TEX36: variants seen among roughly 807,000 people sequenced by gnomAD.
TEX36 encodes the protein testis-expressed protein 36.
TEX36 carries 12 observed loss-of-function variants against 13.6 expected under a neutral mutation model. The observed-to-expected ratio is 0.88, with a 90% CI of 0.56 to 1.43. The LOEUF is 1.43. TEX36 is among the 40% of genes most tolerant of loss of function. TEX36 has a pLI of 0.00. For missense variants in TEX36, 224 were observed against 228.3 expected (o/e 0.98, Z 0.12); for synonymous variants, 93 against 83.0 (o/e 1.12, Z -0.65).
downstream of TEX36, among the ~76,000 whole-genome samples, chr10:125,618,496 C>G (rs910239935): frequency 3.9e-5 from 6 of 152,104 alleles, no homozygotes; most frequent in African/African-American, 1.4e-4. Flanking sequence ...TGTTAGTTTT[C>G]CTTCTAACAG....
intron 3 of TEX36, among the ~76,000 whole-genome samples, chr10:125,633,525 C>T (rs983262223): frequency 6.6e-6 from 1 of 152,302 alleles, no homozygotes; most frequent in African/African-American, 2.4e-5. Flanking sequence ...AGAGGGAAAA[C>T]GATTTCCCCA....
chr10:125,588,446 GC>G (rs1415630831), intron 3 of TEX36, among the ~76,000 whole-genome samples: 1 of 152,152 alleles, frequency 6.6e-6, no homozygotes, highest in African/African-American at 2.4e-5. Context: ...AGTTCTGCAG[GC>G]TCTACAGGAA....
intron 3 of TEX36, among the ~76,000 whole-genome samples, chr10:125,632,500 G>A (rs1156485800): frequency 1.3e-5 from 2 of 152,164 alleles, no homozygotes; most frequent in African/African-American, 4.8e-5. Context: ...TAAGGGACTG[G>A]CCCACAAAAT....
intron 1 of TEX36, chr10:125,667,583 G>T: frequency 2.7e-6 from 2 of 735,878 alleles, no homozygotes; most frequent in Non-Finnish European, 2.6e-6. Flanking sequence ...TTGGGTGGTG[G>T]TCTCGCCATT....
downstream of TEX36, chr10:125,655,669 T>C (rs1846926553): frequency 8.2e-7 from 1 of 1,223,826 alleles, no homozygotes; most frequent in Admixed American, 4.0e-5. Flanking sequence ...ATATTAAGGA[T>C]GTACTTTTTA....
At chr10:125,591,436 G>A (rs1411616180) in intron 3 of TEX36, among the ~76,000 whole-genome samples, 1 of 152,154 alleles carries the variant, frequency 6.6e-6, no homozygotes, top group African/African-American at 2.4e-5. Flanking sequence ...GGGCCCCCAG[G>A]CTGTGTGGAT....
chr10:125,622,082 C>A (rs1369017506), intron 3 of TEX36, among the ~76,000 whole-genome samples: 6 of 152,174 alleles, frequency 3.9e-5, no homozygotes, highest in African/African-American at 1.4e-4. Flanking sequence ...ATCAAGTTGA[C>A]ACCTAATATT....
At chr10:125,645,790 T>C (rs1829258372) in intron 3 of TEX36, among the ~76,000 whole-genome samples, 2 of 152,094 alleles carry the variant, frequency 1.3e-5, no homozygotes, top group African/African-American at 4.8e-5. Flanking sequence ...TATGGCCCTA[T>C]AATTATTCCC....
chr10:125,600,705 G>C (rs1846135144), intron 3 of TEX36, among the ~76,000 whole-genome samples: 1 of 152,166 alleles, frequency 6.6e-6, no homozygotes. Context: ...CAGAGCTCAG[G>C]AGGACAACTG....
intron 3 of TEX36, among the ~76,000 whole-genome samples, chr10:125,609,160 AAAACAAAAC>A (rs374740605): frequency 0.27 from 37,347 of 140,664 alleles, 5,059 homozygotes; most frequent in African/African-American, 0.34. Context: ...ATCTCAGGAA[AAAACAAAAC>A]AAAAAAAAAA....
intron 3 of TEX36, among the ~76,000 whole-genome samples, chr10:125,614,417 C>T (rs1846331007): frequency 6.6e-6 from 1 of 151,756 alleles, no homozygotes. Flanking sequence ...GGTTTTAGGT[C>T]TAACGTTTAA....
chr10:125,667,183 G>A lies in TEX36; in HGVS notation c.52-5206C>T, dbSNP rs369531000. On this transcript the variant is annotated intron_variant, in intron 1 of 3. Coordinates refer to ENST00000368821, the MANE Select transcript of TEX36 (RefSeq NM_001128202.3). The stretch of plus-strand genomic sequence containing the variant: ...AGCGGGGGGCACTGTGCGGTGCAGC[G>A]TTGTGACAGTCACCATGGCAATCTC... 1.6e-4 allele frequency: 102 copies of A among 652,802 alleles called. 2 individuals carry two copies. Among genetic ancestry groups the A allele is most frequent in the African/African-American group, 2.9e-4 (16 of 55,664 alleles). 40.4% of individuals were successfully genotyped at this position (652,802 alleles called of 1,614,324 possible).
chr10:125,613,034 C>G (rs1290648075), intron 3 of TEX36, among the ~76,000 whole-genome samples: 1 of 151,850 alleles, frequency 6.6e-6, no homozygotes, highest in Non-Finnish European at 1.5e-5. Flanking sequence ...GTCCAGTGTT[C>G]CAGCTGAAAG....
At chr10:125,646,887 T>C (rs1207610542) in intron 3 of TEX36, among the ~76,000 whole-genome samples, 1 of 152,196 alleles carries the variant, frequency 6.6e-6, no homozygotes, top group Non-Finnish European at 1.5e-5. Flanking sequence ...GGAGCTTTCC[T>C]GGCAAATTCT....
intron 1 of TEX36, among the ~76,000 whole-genome samples, chr10:125,663,409 A>G (rs750481154): frequency 6.6e-5 from 10 of 152,160 alleles, no homozygotes; most frequent in East Asian, 5.8e-4. Context: ...TTTAGTAGAT[A>G]CTCAGTAGTA....
downstream of TEX36, among the ~76,000 whole-genome samples, chr10:125,617,981 C>T (rs1372286071): frequency 7.4e-5 from 11 of 148,358 alleles, no homozygotes; most frequent in Admixed American, 1.3e-4. Context: ...AGGCTTTGCT[C>T]GTTTCTTTTT....
At position 125,674,712 on chromosome 10, in the gene TEX36, A is replaced by T. The variant is rs552088568; in HGVS notation, c.51+8227T>A. On this transcript the variant is annotated intron_variant, in intron 1 of 3. Transcript: ENST00000368821. ...GACTGCTGCAGTTTGCTGGAGGTCC[A>T]TTCCAGACCCTATTTGCCTGGGTCC... 1.2e-3 allele frequency among the ~76,000 whole-genome samples: 183 copies of T among 152,346 alleles called. 1 individual carries two copies. Among genetic ancestry groups the T allele is most frequent in the African/African-American group, 4.2e-3 (174 of 41,584 alleles).
chr10:125,670,897 G>A (rs1046954677), intron 1 of TEX36, among the ~76,000 whole-genome samples: 12 of 152,094 alleles, frequency 7.9e-5, no homozygotes, highest in African/African-American at 2.9e-4. Flanking sequence ...GATGGTTGTA[G>A]ATGAGCAGTC....
At chr10:125,592,113 T>A (rs1846027655) in intron 3 of TEX36, among the ~76,000 whole-genome samples, 1 of 152,232 alleles carries the variant, frequency 6.6e-6, no homozygotes, top group Non-Finnish European at 1.5e-5. Context: ...TGTCTTCCAG[T>A]CTGTTTGAGC....
Sources: gnomAD v4.1 joint callset for allele counts (sites outside exome capture counted in the v4.1 genomes callset) on GRCh38, gnomAD v4.1.1 for gene constraint, MANE v1.5 for transcripts, NCBI Gene and HGNC (gene_info 2026-07-23, HGNC 2026-07-21) for gene names.